FUT9: variants seen among roughly 807,000 people sequenced by gnomAD.
FUT9 encodes the protein fucosyltransferase 9, also known as 4-galactosyl-N-acetylglucosaminide 3-alpha-L-fucosyltransferase 9.
FUT9 carries 15 observed loss-of-function variants against 29.7 expected under a neutral mutation model. The observed-to-expected ratio is 0.51, with a 90% CI of 0.34 to 0.78. The LOEUF (loss-of-function observed/expected upper bound fraction) is 0.78. Ranked by LOEUF, FUT9 falls within the 30% of genes least tolerant of loss-of-function variation. The pLI is 0.01. For synonymous variants in FUT9, 169 were observed against 153.7 expected (o/e 1.10, Z -0.74); for missense variants, 319 against 425.4 (o/e 0.75, Z 2.20).
intron 2 of FUT9, among the ~76,000 whole-genome samples, chr6:96,158,244 T>C (rs1047216352): frequency 1.3e-4 from 20 of 152,078 alleles, no homozygotes; most frequent in African/African-American, 3.9e-4. Context: ...AAGGTGATGG[T>C]TTAATGGTCT....
At chr6:96,128,091 T>G (rs189335737) in intron 2 of FUT9, among the ~76,000 whole-genome samples, 1 of 152,216 alleles carries the variant, frequency 6.6e-6, no homozygotes, top group Admixed American at 6.5e-5. Context: ...TGTAAAGAGC[T>G]TTTTAAGCCA....
At chr6:96,099,805 G>A (rs766518961) in intron 1 of FUT9, among the ~76,000 whole-genome samples, 1 of 152,124 alleles carries the variant, frequency 6.6e-6, no homozygotes, top group African/African-American at 2.4e-5. Flanking sequence ...TTCCTGCACA[G>A]AGGTTGAGTA....
chr6:96,125,769 G>C (rs886890671), intron 2 of FUT9, among the ~76,000 whole-genome samples: 1 of 152,098 alleles, frequency 6.6e-6, no homozygotes, highest in Non-Finnish European at 1.5e-5. Flanking sequence ...CTTGAACCAT[G>C]ATCCATTACT....
At chr6:96,063,947 G>A (rs559283488) in intron 1 of FUT9, among the ~76,000 whole-genome samples, 1 of 152,236 alleles carries the variant, frequency 6.6e-6, no homozygotes, top group African/African-American at 2.4e-5. Flanking sequence ...CACTGGAAAA[G>A]CTTCAAAATG....
intron 1 of FUT9, among the ~76,000 whole-genome samples, chr6:96,049,840 G>A (rs547685617): frequency 2.6e-5 from 4 of 152,284 alleles, no homozygotes; most frequent in East Asian, 3.9e-4. Flanking sequence ...GGTGAAGTTC[G>A]TGATATATGG....
chr6:96,098,748 C>T (rs1470377147), intron 1 of FUT9, among the ~76,000 whole-genome samples: 1 of 152,132 alleles, frequency 6.6e-6, no homozygotes, highest in Non-Finnish European at 1.5e-5. Flanking sequence ...GATCTATCAC[C>T]TACAGATTCA....
intron 1 of FUT9, among the ~76,000 whole-genome samples, chr6:96,094,616 T>C (rs1460989853): frequency 3.3e-5 from 5 of 152,130 alleles, no homozygotes; most frequent in African/African-American, 1.2e-4. Flanking sequence ...GGTCTTGGAA[T>C]GTATCTCTCA....
At chr6:96,017,048 TC>T (rs1260201346) in intron 1 of FUT9, among the ~76,000 whole-genome samples, 1 of 152,322 alleles carries the variant, frequency 6.6e-6, no homozygotes, top group East Asian at 1.9e-4. Context: ...TGGTCTTACT[TC>T]CAGGTTAAGA....
At chr6:96,018,733 A>G (rs1484132436) in intron 1 of FUT9, among the ~76,000 whole-genome samples, 1 of 152,086 alleles carries the variant, frequency 6.6e-6, no homozygotes, top group Non-Finnish European at 1.5e-5. Flanking sequence ...ACAAGTTGCC[A>G]TTGGTTGAAT....
intron 2 of FUT9, among the ~76,000 whole-genome samples, chr6:96,167,342 G>A (rs1397478432): frequency 6.6e-6 from 1 of 152,038 alleles, no homozygotes; most frequent in Non-Finnish European, 1.5e-5. Context: ...AATCAATAAA[G>A]CCAATAATGA....
At chr6:96,049,643 C>A (rs1477946020) in intron 1 of FUT9, among the ~76,000 whole-genome samples, 1 of 152,086 alleles carries the variant, frequency 6.6e-6, no homozygotes. Flanking sequence ...CCATGTTGGC[C>A]CCAAAATTTA....
At chr6:96,054,609 C>A (rs1247212168) in intron 1 of FUT9, among the ~76,000 whole-genome samples, 1 of 152,092 alleles carries the variant, frequency 6.6e-6, no homozygotes, top group Admixed American at 6.6e-5. Context: ...CAATGAATAT[C>A]ATAATGCAAT....
intron 1 of FUT9, among the ~76,000 whole-genome samples, chr6:96,029,334 C>T (rs1770221443): frequency 6.6e-6 from 1 of 151,478 alleles, no homozygotes; most frequent in South Asian, 2.1e-4. Flanking sequence ...TGTGGACTTC[C>T]ACTAGGTACG....
At chr6:96,022,502 T>A (rs1770087281) in intron 1 of FUT9, among the ~76,000 whole-genome samples, 1 of 151,956 alleles carries the variant, frequency 6.6e-6, no homozygotes, top group Non-Finnish European at 1.5e-5. Context: ...TTTCCAGTAG[T>A]TTTTTTGCTT....
rs1421786462 is a variant in FUT9, at chr6:96,090,995, A to G, written c.-97-23044A>G. On this transcript the variant is annotated intron_variant, in intron 1 of 2. Transcript: ENST00000302103. The stretch of plus-strand genomic sequence containing the variant: ...GCAATAGTAATTGATTCAGGCAAGA[A>G]TCATCAATAAATGTTAAAGCCATTG... Among the ~76,000 whole-genome samples, 3 of 152,232 alleles carry G rather than the reference A, an allele frequency of 2.0e-5. 1 individual carries two copies. The highest frequency in any genetic ancestry group is 2.0e-4 in the Admixed American group (3 of 15,272).
intron 2 of FUT9, among the ~76,000 whole-genome samples, chr6:96,165,751 G>A (rs1011851814): frequency 3.9e-5 from 6 of 152,024 alleles, no homozygotes; most frequent in Admixed American, 6.6e-5. Context: ...AAATAGCTGG[G>A]ATTACAGGTG....
chr6:96,115,648 C>T lies in FUT9; in HGVS notation c.-9+1521C>T, dbSNP rs563130299. ...TACTGGAAACTCTGCTCCAGGTGAC[C>T]GCTGATATAATGCTTCGGTTCTGCT... On this transcript the variant is annotated intron_variant, in intron 2 of 2. Coordinates refer to ENST00000302103, the MANE Select transcript of FUT9 (RefSeq NM_006581.4). 7.2e-5 allele frequency among the ~76,000 whole-genome samples: 11 copies of T among 152,148 alleles called. No homozygotes were observed. In the South Asian group the frequency reaches 1.5e-3, roughly 20 times the overall value.
At chr6:96,197,652 T>G (rs1431084076) in intron 2 of FUT9, among the ~76,000 whole-genome samples, 1 of 152,162 alleles carries the variant, frequency 6.6e-6, no homozygotes, top group Non-Finnish European at 1.5e-5. Flanking sequence ...AAATAGTAAA[T>G]GTACTATACA....
intron 1 of FUT9, among the ~76,000 whole-genome samples, chr6:96,094,790 T>C (rs1771468083): frequency 6.6e-6 from 1 of 151,442 alleles, no homozygotes; most frequent in Admixed American, 6.6e-5. Context: ...TTTTTCTTCA[T>C]TTTTTTTTCT....
Sources: gnomAD v4.1 joint callset for allele counts (sites outside exome capture counted in the v4.1 genomes callset) on GRCh38, gnomAD v4.1.1 for gene constraint, MANE v1.5 for transcripts, NCBI Gene and HGNC (gene_info 2026-07-23, HGNC 2026-07-21) for gene names.